Variants in HYDIN observed in about 807,000 individuals in gnomAD.
HYDIN encodes axonemal central pair apparatus protein HYDIN.
In HYDIN, 132 loss-of-function variants were observed where a neutral mutation model predicts 403.9. That is an observed-to-expected ratio of 0.33 (90% CI 0.28 to 0.38). HYDIN has a LOEUF of 0.38. Among genes scored for constraint, HYDIN ranks in the 10% least tolerant of loss-of-function variants. The pLI, the probability that HYDIN is intolerant of heterozygous loss-of-function variation, is 1.00. For synonymous variants in HYDIN, 1,202 were observed against 1,891.7 expected (o/e 0.64, Z 9.46); for missense variants, 2,827 against 5,009.5 (o/e 0.56, Z 13.15).
At chr16:71,031,258 C>T (rs1021046936) in intron 19 of HYDIN, among the ~76,000 whole-genome samples, 3 of 130,094 alleles carry the variant, frequency 2.3e-5, no homozygotes, top group African/African-American at 8.5e-5. Context: ...ATAAAATACA[C>T]TTGCAATAAA....
chr16:71,058,954 A>AT (rs2081992220), intron 18 of HYDIN, among the ~76,000 whole-genome samples: 1 of 152,126 alleles, frequency 6.6e-6, no homozygotes, highest in Non-Finnish European at 1.5e-5. Flanking sequence ...CTTCCTTATG[A>AT]TTTTCTTAAT....
Position 71,184,853 on chromosome 16 carries a change from G to A in HYDIN, c.261+12C>T. ...GCCCACTTTATATGTAAGTACGACA[G>A]AGAGCAGCTACCTTCTGATGTGTTG... On this transcript the variant is annotated intron_variant, in intron 3 of 85. Transcript: ENST00000393567. 2 of 1,592,060 alleles carry A rather than the reference G, an allele frequency of 1.3e-6. No homozygotes were observed. Among genetic ancestry groups the A allele is most frequent in the Non-Finnish European group, 1.7e-6 (2 of 1,166,540 alleles).
intron 9 of HYDIN, 118 bp downstream of exon 9, chr16:71,129,522 T>A: frequency 1.1e-6 from 1 of 878,954 alleles, no homozygotes; most frequent in Non-Finnish European, 1.7e-6. Context: ...TTTCTTCAGG[T>A]GGACTCTTCA....
chr16:71,061,346 A>G (rs78513466), intron 17 of HYDIN, among the ~76,000 whole-genome samples: 41,241 of 143,078 alleles, frequency 0.29, 2,718 homozygotes, highest in Non-Finnish European at 0.38. Flanking sequence ...TCTTATATGG[A>G]AGAGATAAAA....
Position 71,011,416 on chromosome 16 carries a change from C to T in HYDIN, c.3644+6713G>A, listed in dbSNP as rs2080077462. Among the ~76,000 whole-genome samples the T allele has an allele frequency of 4.6e-5, 7 of 152,294 alleles. 1 individual carries two copies. The South Asian group carries it at 1.4e-3, about 32-fold the overall frequency. ...TAACACACCACATCTTAGAAAAGTTCCACTTTTGGTCCAGGAACAGTGGCT... is the reference window on the plus strand; with the variant it reads ...TAACACACCACATCTTAGAAAAGTTTCACTTTTGGTCCAGGAACAGTGGCT... On this transcript the variant is annotated intron_variant, in intron 23 of 85. Coordinates refer to ENST00000393567, the MANE Select transcript of HYDIN (RefSeq NM_001270974.2).
rs779109006 is a variant in HYDIN at position 71,020,215 on chromosome 16, T to G, written c.3289A>C (p.Ile1097Leu). 7 of 1,613,704 alleles carry G rather than the reference T, an allele frequency of 4.3e-6. No homozygotes were observed. Among genetic ancestry groups the G allele is most frequent in the Admixed American group, 1.7e-5 (1 of 60,000 alleles). ...LLLSTSGPFF[I>L]CETDKSLLPA... ...AGCAGGGATTTATCAGTCTCACATA[T>G]AAAGAAGGGTCCAGATGTTGACAGC... The change falls in exon 22 of 86, where the codon ATA becomes CTA. Residue 1097 changes from isoleucine to leucine, a missense_variant. Ile to Leu is a conservative substitution (Grantham distance 5). Coordinates refer to ENST00000393567, the MANE Select transcript of HYDIN (RefSeq NM_001270974.2).
At chr16:70,810,465 TTAG>T (rs1346588657) in intron 84 of HYDIN, among the ~76,000 whole-genome samples, 16 of 152,234 alleles carry the variant, frequency 1.1e-4, no homozygotes, top group Admixed American at 8.5e-4. Context: ...GAATGTATTA[TTAG>T]TAGAAGATTA....
chr16:70,946,382 A>G (rs1055785311), intron 41 of HYDIN, among the ~76,000 whole-genome samples: 6 of 150,256 alleles, frequency 4.0e-5, no homozygotes, highest in Non-Finnish European at 8.9e-5. Flanking sequence ...GTCATCTTGA[A>G]TAGATGCAGA....
chr16:71,098,208 T>G (rs2083334897), intron 10 of HYDIN, among the ~76,000 whole-genome samples: 1 of 126,960 alleles, frequency 7.9e-6, no homozygotes, highest in Non-Finnish European at 1.5e-5. Flanking sequence ...TCTTTCTTTT[T>G]TTTTTTTTTT....
intron 30 of HYDIN, among the ~76,000 whole-genome samples, chr16:70,978,359 G>T (rs2656786): frequency 0.52 from 70,772 of 136,800 alleles, 20,226 homozygotes; most frequent in Non-Finnish European, 0.65. Context: ...CACCTAGAAT[G>T]ACTCCATCAG....
chr16:71,205,130 C>T (rs9927009), intron 1 of HYDIN, among the ~76,000 whole-genome samples: 5,212 of 152,208 alleles, frequency 0.034, 204 homozygotes, highest in African/African-American at 0.1. Context: ...AGATAGAAGT[C>T]GGACGCTACA....
At chr16:70,832,687 C>T (rs2037091700) in intron 80 of HYDIN, among the ~76,000 whole-genome samples, 161 bp downstream of exon 80, 1 of 152,192 alleles carries the variant, frequency 6.6e-6, no homozygotes, top group Non-Finnish European at 1.5e-5. Context: ...AAGGAATAAA[C>T]CAAATGAAGA....
At chr16:71,130,910 G>A (rs1322562638) in intron 8 of HYDIN, among the ~76,000 whole-genome samples, 4 of 146,644 alleles carry the variant, frequency 2.7e-5, no homozygotes, top group African/African-American at 1.0e-4. Context: ...AATATCCATC[G>A]TGATAAGAGA....
rs1320402700 is a variant in HYDIN, at chr16:71,104,064, C to T, written c.1328-10129G>A. 2.0e-5 allele frequency among the ~76,000 whole-genome samples: 3 copies of T among 151,936 alleles called. No homozygotes were observed. The South Asian group carries it at 6.2e-4, about 32-fold the overall frequency. ...TGATACTACCTTTTAAAATTTCAGTCCTCTGTATAGATCTCATATCCTGCA... is the reference window on the plus strand; with the variant it reads ...TGATACTACCTTTTAAAATTTCAGTTCTCTGTATAGATCTCATATCCTGCA... On this transcript the variant is annotated intron_variant, in intron 10 of 85. Coordinates refer to ENST00000393567, the MANE Select transcript of HYDIN (RefSeq NM_001270974.2).
intron 1 of HYDIN, among the ~76,000 whole-genome samples, chr16:71,215,781 T>TAAA (rs11450762): frequency 1.4e-5 from 2 of 144,100 alleles, no homozygotes; most frequent in African/African-American, 5.1e-5. Context: ...AAAACAATAT[T>TAAA]AAAAAAAAAA....
intron 5 of HYDIN, among the ~76,000 whole-genome samples, chr16:71,170,745 A>G (rs990665336): frequency 6.6e-6 from 1 of 152,136 alleles, no homozygotes; most frequent in Non-Finnish European, 1.5e-5. Context: ...AGGCACAATC[A>G]TGGTACTGTG....
chr16:70,897,292 T>G (rs919691239), intron 53 of HYDIN, among the ~76,000 whole-genome samples: 30 of 152,194 alleles, frequency 2.0e-4, no homozygotes, highest in African/African-American at 6.7e-4. Context: ...CTCTCCTGGG[T>G]CTGCTCTGGG....
chr16:71,230,660 C>G lies in HYDIN; in HGVS notation c.-122G>C, dbSNP rs1487406265. On this transcript the variant is annotated 5_prime_UTR_variant, in exon 1 of 86. Coordinates refer to ENST00000393567, the MANE Select transcript of HYDIN (RefSeq NM_001270974.2). ...CCGCCGCCGCTGAGGGGCTCCATACCCAGCTTGAAGCCGCCCGCACTCTCC... is the reference window on the plus strand; with the variant it reads ...CCGCCGCCGCTGAGGGGCTCCATACGCAGCTTGAAGCCGCCCGCACTCTCC... 2.0e-6 allele frequency: 3 copies of G among 1,536,070 alleles called. No individual in the cohort carries two copies. The highest frequency in any genetic ancestry group is 1.7e-4 in the Middle Eastern group (1 of 5,990).
intron 1 of HYDIN, among the ~76,000 whole-genome samples, chr16:71,187,389 GA>G (rs2144670624): frequency 6.6e-6 from 1 of 152,266 alleles, no homozygotes; most frequent in African/African-American, 2.4e-5. Context: ...AAAGTTCTGG[GA>G]AAAGTTTTAA....
Sources: gnomAD v4.1 joint callset for allele counts (sites outside exome capture counted in the v4.1 genomes callset) on GRCh38, gnomAD v4.1.1 for gene constraint, MANE v1.5 for transcripts, NCBI Gene and HGNC (gene_info 2026-07-23, HGNC 2026-07-21) for gene names.